Variants in HDAC9 observed in about 807,000 individuals in gnomAD.
HDAC9 encodes MEF-2 interacting transcription repressor (MITR) protein.
A neutral mutation model predicts 139.4 loss-of-function variants in HDAC9; 41 were observed. The ratio of observed to expected loss-of-function variants is 0.29; its 90% CI spans 0.23 to 0.38. HDAC9 has a LOEUF of 0.38. HDAC9 is among the 10% of genes least tolerant of loss of function. The pLI, the probability that HDAC9 is intolerant of heterozygous loss-of-function variation, is 1.00. For synonymous variants in HDAC9, 517 were observed against 476.2 expected (o/e 1.09, Z -1.12); for missense variants, 1,147 against 1,297.0 (o/e 0.88, Z 1.78).
intron 1 of HDAC9, among the ~76,000 whole-genome samples, chr7:18,110,090 C>T (rs1480090062): frequency 6.6e-6 from 1 of 152,156 alleles, no homozygotes; most frequent in African/African-American, 2.4e-5. Context: ...GGAGTAATGC[C>T]ATCATCATTA....
chr7:18,436,170 T>G (rs1791183842), intron 1 of HDAC9, among the ~76,000 whole-genome samples: 1 of 152,040 alleles, frequency 6.6e-6, no homozygotes, highest in Admixed American at 6.6e-5. Context: ...TTAATATGTA[T>G]GTACACAACA....
At chr7:18,798,932 G>A (rs943864366) in intron 17 of HDAC9, among the ~76,000 whole-genome samples, 7 of 151,936 alleles carry the variant, frequency 4.6e-5, no homozygotes, top group Admixed American at 1.3e-4. Flanking sequence ...GACCTGAAAA[G>A]GCCCTAAGCT....
At chr7:18,901,636 A>C (rs149817300) in intron 22 of HDAC9, among the ~76,000 whole-genome samples, 1 of 152,318 alleles carries the variant, frequency 6.6e-6, no homozygotes, top group East Asian at 1.9e-4. Context: ...ATTGTATAGT[A>C]TGGGTATTTT....
chr7:18,922,711 C>T (rs1304653254), intron 22 of HDAC9, among the ~76,000 whole-genome samples: 1 of 152,002 alleles, frequency 6.6e-6, no homozygotes, highest in Non-Finnish European at 1.5e-5. Flanking sequence ...TTGGCAGGTC[C>T]AATTATGCAG....
intron 23 of HDAC9, among the ~76,000 whole-genome samples, chr7:18,948,131 A>G (rs1782529722): frequency 6.6e-6 from 1 of 152,046 alleles, no homozygotes; most frequent in South Asian, 2.1e-4. Flanking sequence ...TAAAGGGGAA[A>G]TATAGAAATT....
intron 1 of HDAC9, among the ~76,000 whole-genome samples, chr7:18,380,318 ATAATT>A (rs1785319635): frequency 6.6e-6 from 1 of 152,246 alleles, no homozygotes; most frequent in Non-Finnish European, 1.5e-5. Flanking sequence ...ACTTTTTAAA[ATAATT>A]TAAAGAAACA....
intron 1 of HDAC9, among the ~76,000 whole-genome samples, chr7:18,361,819 A>G (rs564848188): frequency 1.7e-4 from 23 of 134,284 alleles, no homozygotes; most frequent in South Asian, 1.6e-3. Flanking sequence ...GGAGAGAGAG[A>G]AAAAAAAAAA....
intron 1 of HDAC9, among the ~76,000 whole-genome samples, chr7:18,347,104 T>TA (rs1481615777): frequency 1.3e-5 from 2 of 152,188 alleles, no homozygotes; most frequent in Admixed American, 6.5e-5. Flanking sequence ...TAACTCTTTT[T>TA]AGAACACAAT....
chr7:18,733,085 A>G (rs118006730), intron 13 of HDAC9, among the ~76,000 whole-genome samples: 6,002 of 145,642 alleles, frequency 0.041, 281 homozygotes, highest in East Asian at 0.099. Flanking sequence ...ATGTATACAC[A>G]TATATACATG....
At chr7:18,938,621 C>A (rs1781820265) in intron 23 of HDAC9, among the ~76,000 whole-genome samples, 1 of 151,972 alleles carries the variant, frequency 6.6e-6, no homozygotes, top group South Asian at 2.1e-4. Flanking sequence ...AAAAAAAAAT[C>A]TCAAAATGCT....
At chr7:18,695,753 C>T (rs552251197) in intron 12 of HDAC9, among the ~76,000 whole-genome samples, 1 of 152,174 alleles carries the variant, frequency 6.6e-6, no homozygotes, top group Admixed American at 6.5e-5. Flanking sequence ...AAGAGCACAA[C>T]TTGAAGGATT....
At chr7:18,824,069 G>GAAGAAGAAGAAGAAA (rs1795213434) in intron 17 of HDAC9, among the ~76,000 whole-genome samples, 2 of 150,224 alleles carry the variant, frequency 1.3e-5, no homozygotes, top group Non-Finnish European at 3.0e-5. Context: ...AGAAGAAGAA[G>GAAGAAGAAGAAGAAA]AAGAAGAAGA....
intron 2 of HDAC9, among the ~76,000 whole-genome samples, chr7:18,503,674 G>A (rs954149378): frequency 2.0e-5 from 3 of 152,132 alleles, no homozygotes; most frequent in Non-Finnish European, 4.4e-5. Flanking sequence ...ACCACAGAGT[G>A]TAACTAGTCA....
chr7:18,254,605 C>A (rs1426388832), intron 2 of HDAC9, among the ~76,000 whole-genome samples: 1 of 152,042 alleles, frequency 6.6e-6, no homozygotes, highest in Admixed American at 6.6e-5. Context: ...TCTGAGGTAA[C>A]CTTTGCTGCT....
At chr7:18,492,586 A>G (rs1796453228), upstream of HDAC9, among the ~76,000 whole-genome samples, 1 of 151,912 alleles carries the variant, frequency 6.6e-6, no homozygotes, top group South Asian at 2.1e-4. Flanking sequence ...TTTGCAATAA[A>G]TGCTTACTTA....
Position 18,214,846 on chromosome 7 carries a change from A to G in HDAC9, c.25+52497A>G, listed in dbSNP as rs148548902. ...TTGTTTATAAAAAGACCTCTTTGTT[A>G]TGGTTCTGTCCACTCAAAGCAAACT... On this transcript the variant is annotated intron_variant, in intron 2 of 12. Coordinates refer to the HDAC9 transcript ENST00000417496. Among the ~76,000 whole-genome samples the G allele has an allele frequency of 1.6e-3, 242 of 152,274 alleles. 1 individual carries two copies. The highest frequency in any genetic ancestry group is 5.4e-3 in the African/African-American group (226 of 41,580).
At chr7:18,824,050 A>G (rs7807789) in intron 17 of HDAC9, among the ~76,000 whole-genome samples, 5,820 of 126,946 alleles carry the variant, frequency 0.046, 241 homozygotes, top group African/African-American at 0.13. Context: ...AAGAGGAAGA[A>G]GAAGAAGAAG....
At chr7:18,370,698 C>A (rs1784529080) in intron 1 of HDAC9, among the ~76,000 whole-genome samples, 1 of 152,126 alleles carries the variant, frequency 6.6e-6, no homozygotes, top group Non-Finnish European at 1.5e-5. Context: ...ATACTGGATT[C>A]TGTTTGATGC....
chr7:18,953,114 G>C lies in HDAC9; in HGVS notation c.2938-1032G>C, dbSNP rs547042068. ...CTGTGTTTTTTTAGGTTTTCCTACA[G>C]ATGAAGAGACATAGATGAGTTCATG... On this transcript the variant is annotated intron_variant, in intron 23 of 25. Transcript: ENST00000686413. 7.9e-5 allele frequency among the ~76,000 whole-genome samples: 12 copies of C among 152,156 alleles called. No homozygotes were observed. In the South Asian group the frequency reaches 2.3e-3, roughly 29 times the overall value.
Sources: gnomAD v4.1 joint callset for allele counts (sites outside exome capture counted in the v4.1 genomes callset) on GRCh38, gnomAD v4.1.1 for gene constraint, MANE v1.5 for transcripts, NCBI Gene and HGNC (gene_info 2026-07-23, HGNC 2026-07-21) for gene names.